PARP10: variants seen among roughly 807,000 people sequenced by gnomAD.
The protein encoded by PARP10 is protein mono-ADP-ribosyltransferase PARP10.
A neutral mutation model predicts 82.4 loss-of-function variants in PARP10; 56 were observed. That is an observed-to-expected ratio of 0.68 (90% CI 0.55 to 0.85). The LOEUF is 0.85. Among genes scored for constraint, PARP10 ranks in the 40% least tolerant of loss-of-function variants. PARP10 has a pLI of 0.00. For synonymous variants in PARP10, 576 were observed against 601.1 expected, an observed-to-expected ratio of 0.96 and a Z score of 0.61; for missense variants, 1,227 against 1,379.4, an observed-to-expected ratio of 0.89 and a Z score of 1.75.
At chr8:143,985,685 C>G (rs782639037) in intron 3 of PARP10, 36 bp downstream of exon 3, 34 of 1,603,200 alleles carry the variant, frequency 2.1e-5, no homozygotes, top group Middle Eastern at 1.7e-4. Context: ...GGGAATCCCC[C>G]CTAGCCAGCA....
intron 1 of PARP10, among the ~76,000 whole-genome samples, chr8:144,003,756 T>C (rs1188396117): frequency 2.6e-5 from 4 of 152,028 alleles, no homozygotes; most frequent in Non-Finnish European, 5.9e-5. Context: ...GCCGGCGCAG[T>C]GGCTCACAGC....
chr8:143,978,061 C>A lies in PARP10; in HGVS notation c.2577G>T (p.Pro859=). 2.6e-6 allele frequency: 4 copies of A among 1,536,452 alleles called. No homozygotes were observed. The highest frequency in any genetic ancestry group is 1.7e-6 in the Non-Finnish European group (2 of 1,144,308). ...ACAGCTCATACTGCTGCTGCAGCAGCGGGTGCGACACGCGCTCCACCTGCG... is the reference window on the plus strand; with the variant it reads ...ACAGCTCATACTGCTGCTGCAGCAGAGGGTGCGACACGCGCTCCACCTGCG... The part of the protein sequence containing the change: ...RVVRVERVSH[P]LLQQQYELYR... Residue 859 remains proline, a synonymous_variant, in exon 10 of 11, where the codon CCG becomes CCT. Transcript: ENST00000313028.
Position 143,983,049 on chromosome 8 carries a change from C to T in PARP10, c.2439G>A (p.Leu813=). ...ASGPTLAGQT[L]KGPWNNLERL... is the part of the protein sequence containing the mutation. Reference sequence around the variant, plus strand: ...GCTCCAGGTTGTTCCAGGGCCCCTTCAGCGTCTGCCCCGCCACTGATGCAT... The same window carrying T: ...GCTCCAGGTTGTTCCAGGGCCCCTTTAGCGTCTGCCCCGCCACTGATGCAT... Residue 813 remains leucine (L), a synonymous_variant, in exon 9 of 11, where the codon CTG becomes CTA. Coordinates refer to ENST00000313028, the MANE Select transcript of PARP10 (RefSeq NM_032789.5). The T allele has an allele frequency of 6.2e-7, 1 of 1,613,580 alleles. No homozygotes were observed. The highest frequency in any genetic ancestry group is 8.5e-7 in the Non-Finnish European group (1 of 1,179,810).
chr8:143,985,959 C>T lies in PARP10; in HGVS notation c.198G>A (p.Leu66=). The T allele has an allele frequency of 1.3e-6, 2 of 1,587,910 alleles. No individual in the cohort carries two copies. The highest frequency in any genetic ancestry group is 1.7e-6 in the Non-Finnish European group (2 of 1,163,096). Residue 66 remains leucine, a synonymous_variant, in exon 3 of 11, where the codon TTG becomes TTA. Transcript: ENST00000313028. ...CATGTAGTTCGTGATCTGCCTGGGC[C>T]AAGACCCTCTCGGCGTCTGTGGGCA... The part of the protein sequence containing the change: ...FREPADAERV[L]AQADHELHGA...
In PARP10 at chr8:143,985,095, GC is replaced by G; in HGVS notation, c.906del (p.Gln303SerfsTer6). 1 of 1,613,926 alleles carries G rather than the reference GC, an allele frequency of 6.2e-7. No individual in the cohort carries two copies. Among genetic ancestry groups the G allele is most frequent in the Non-Finnish European group, 8.5e-7 (1 of 1,180,004 alleles). ...CCTGTCCTCAGAGAGGCCCCTGACTGCCCTGGTTCCTCGCCAGAGCCCATTG... is the reference window on the plus strand; with the variant it reads ...CCTGTCCTCAGAGAGGCCCCTGACTGCCTGGTTCCTCGCCAGAGCCCATTG... ...TVTMGSGEEP[G>X]QSGASLRTGP... On this transcript the variant is annotated frameshift_variant, in exon 5 of 11. Transcript: ENST00000313028. LOFTEE classifies it high-confidence loss of function.
chr8:143,992,718 A>G (rs13277282), upstream of PARP10: 1,608,625 of 1,613,988 alleles, frequency 1, 801,875 homozygotes, highest in African/African-American at 1. Flanking sequence ...CCCAGCTGCT[A>G]CTGGGGAACA....
upstream of PARP10, chr8:143,989,767 C>G (rs1356310793): frequency 6.6e-6 from 1 of 152,248 alleles, no homozygotes; most frequent in African/African-American, 2.4e-5. This position sits in a 1 kb window ranked among gnomAD's most constrained non-coding sequence, Gnocchi z 4.3. Flanking sequence ...GGTTTTAAGG[C>G]CGAGAACGGA....
chr8:144,005,290 G>A (rs1430204411), intron 1 of PARP10, among the ~76,000 whole-genome samples: 2 of 152,046 alleles, frequency 1.3e-5, no homozygotes, highest in Non-Finnish European at 2.9e-5. Context: ...CAGGAAGTGA[G>A]AGGAGAAAGC....
chr8:143,993,706 C>T (rs1179198570), upstream of PARP10, among the ~76,000 whole-genome samples: 4 of 152,232 alleles, frequency 2.6e-5, no homozygotes, highest in South Asian at 4.1e-4. Flanking sequence ...ATAGCCGCCT[C>T]ACTCTTCTGT....
intron 9 of PARP10, among the ~76,000 whole-genome samples, chr8:143,980,319 C>CA (rs564801582): frequency 0.15 from 2,421 of 15,988 alleles, 814 homozygotes; most frequent in Non-Finnish European, 0.27. Flanking sequence ...GATTCCGTCT[C>CA]AAAAAAAAAA....
upstream of PARP10, among the ~76,000 whole-genome samples, chr8:143,995,526 A>G (rs781874139): frequency 6.6e-6 from 1 of 152,186 alleles, no homozygotes; most frequent in Non-Finnish European, 1.5e-5. Flanking sequence ...GGGTGCTCAC[A>G]TGGAGTCATG....
At chr8:143,991,364 C>T, upstream of PARP10, 1 of 1,226,934 alleles carries the variant, frequency 8.2e-7, no homozygotes, top group Non-Finnish European at 1.1e-6. Context: ...AGCCCCCTTT[C>T]CAGCCCTCCC....
chr8:143,982,194 G>A lies in PARP10; in HGVS notation c.2556+738C>T, dbSNP rs557822442. On this transcript the variant is annotated intron_variant, in intron 9 of 10. Coordinates refer to ENST00000313028, the MANE Select transcript of PARP10 (RefSeq NM_032789.5). ...TTGAGAGTGCCCCGTGCAAGGCCGG[G>A]CGCGGTGGCTCACGCCTGTAATCCC... Among the ~76,000 whole-genome samples the A allele has an allele frequency of 2.0e-5, 3 of 152,134 alleles. No individual in the cohort carries two copies. The East Asian group carries it at 5.8e-4, about 29-fold the overall frequency.
intron 1 of PARP10, among the ~76,000 whole-genome samples, chr8:144,002,984 T>C (rs1554751794): frequency 6.6e-6 from 1 of 152,084 alleles, no homozygotes; most frequent in African/African-American, 2.4e-5. Flanking sequence ...CAACAGACAA[T>C]GGATTTCCAT....
rs367911194 is a variant in PARP10 at position 143,984,632 on chromosome 8, A to C, written c.1370T>G (p.Phe457Cys). 1 of 1,613,898 alleles carries C rather than the reference A, an allele frequency of 6.2e-7. No homozygotes were observed. Among genetic ancestry groups the C allele is most frequent in the Admixed American group, 1.7e-5 (1 of 59,980 alleles). ...AAGGTCCTCATGGTAGAGCTGCAGG[A>C]AGCGCATCGCCCCTGGCTCCATCAA... ...VLLMEPGAMR[F>C]LQLYHEDLLA... Residue 457 changes from phenylalanine to cysteine, a missense_variant, in exon 5 of 11, where the codon TTC (phenylalanine) becomes TGC (cysteine). Coordinates refer to ENST00000313028, the MANE Select transcript of PARP10 (RefSeq NM_032789.5).
Position 143,984,846 on chromosome 8 carries a change from C to T in PARP10, c.1156G>A (p.Gly386Ser). The part of the protein sequence containing the change: ...PMSLGPVGSA[G>S]PVETSKGLLG... ...AACCCCTTAGAGGTCTCCACTGGGCCTGCAGACCCCACAGGCCCCAGGCTC... is the reference window on the plus strand; with the variant it reads ...AACCCCTTAGAGGTCTCCACTGGGCTTGCAGACCCCACAGGCCCCAGGCTC... The change falls in exon 5 of 11, where the codon GGC becomes AGC. Residue 386 changes from glycine (G) to serine (S), a missense_variant. By Grantham distance (56) the Gly-to-Ser change is moderately conservative. Transcript: ENST00000313028. 1 of 1,612,560 alleles carries T rather than the reference C, an allele frequency of 6.2e-7. No individual in the cohort carries two copies. The highest frequency in any genetic ancestry group is 8.5e-7 in the Non-Finnish European group (1 of 1,178,986).
At chr8:143,988,350 C>G (rs1260567533), upstream of PARP10, among the ~76,000 whole-genome samples, 1 of 111,914 alleles carries the variant, frequency 8.9e-6, no homozygotes, top group Non-Finnish European at 1.9e-5. Flanking sequence ...GGGTTTCACC[C>G]TATTGGGCAG....
In PARP10 at chr8:144,011,741, A is replaced by G. The variant is rs1358498356; in HGVS notation, c.-80+789T>C. ...AAATTCAAGGAGCTGGGGAATAGAGATCCAAGTGCGGAGAAGGCAACGACG... is the reference window on the plus strand; with the variant it reads ...AAATTCAAGGAGCTGGGGAATAGAGGTCCAAGTGCGGAGAAGGCAACGACG... On this transcript the variant is annotated intron_variant, in intron 1 of 3. Coordinates refer to the PARP10 transcript ENST00000530478. The surrounding 1 kb of genome is among the most constrained non-coding windows in gnomAD (Gnocchi z 4.5). 6.6e-6 allele frequency among the ~76,000 whole-genome samples: 1 copy of G among 152,122 alleles called. No homozygotes were observed. Among genetic ancestry groups the G allele is most frequent in the African/African-American group, 2.4e-5 (1 of 41,416 alleles).
Position 143,977,776 on chromosome 8 carries a change from T to G in PARP10, c.2786A>C (p.Gln929Pro). 6.2e-7 allele frequency: 1 copy of G among 1,604,134 alleles called. No homozygotes were observed. Among genetic ancestry groups the G allele is most frequent in the Non-Finnish European group, 8.5e-7 (1 of 1,175,916 alleles). ...GGCGTTGGGGGGCGAGTAGCGGTCC[T>G]GCACCGACAGGGAGGCGCGCCTGGC... ...YFARRASLSV[Q>P]DRYSPPNADG... The change falls in exon 11 of 11, where the codon CAG becomes CCG. Residue 929 changes from glutamine to proline, a missense_variant. Physicochemically the swap from Gln to Pro is moderately conservative, Grantham distance 76. Coordinates refer to ENST00000313028, the MANE Select transcript of PARP10 (RefSeq NM_032789.5).
Sources: allele counts gnomAD v4.1 joint callset (sites outside exome capture counted in the v4.1 genomes callset), GRCh38; gene constraint gnomAD v4.1.1; non-coding constraint Gnocchi (gnomAD v3.1); transcripts MANE v1.5; gene names NCBI Gene and HGNC (gene_info 2026-07-23, HGNC 2026-07-21).